Variants in BTBD10 observed in about 807,000 individuals in gnomAD.
The protein encoded by BTBD10 is BTB domain containing 10.
In BTBD10, 21 loss-of-function variants were observed where a neutral mutation model predicts 53.2. That is an observed-to-expected ratio of 0.39 (90% CI 0.28 to 0.57). The LOEUF is 0.57. Ranked by LOEUF, BTBD10 falls within the 20% of genes least tolerant of loss-of-function variation. The pLI is 0.53. For synonymous variants in BTBD10, 149 were observed against 192.7 expected, an observed-to-expected ratio of 0.77 and a Z score of 1.88; for missense variants, 360 against 594.7, an observed-to-expected ratio of 0.61 and a Z score of 4.10.
chr11:13,391,312 C>A (rs1426934039), intron 8 of BTBD10, among the ~76,000 whole-genome samples: 1 of 152,214 alleles, frequency 6.6e-6, no homozygotes, highest in Non-Finnish European at 1.5e-5. Context: ...TCCCTCTCAG[C>A]CTCCTGATCC....
Position 13,389,746 on chromosome 11 carries a change from T to A in BTBD10, c.1118-605A>T, listed in dbSNP as rs140085862. On this transcript the variant is annotated intron_variant, in intron 8 of 8. Transcript: ENST00000278174. Reference sequence around the variant, plus strand: ...CCTCTAGCTACGTATCCTTATATTCTCGTCACAGGATTACCCGGCCTACAG... The same window carrying A: ...CCTCTAGCTACGTATCCTTATATTCACGTCACAGGATTACCCGGCCTACAG... Among the ~76,000 whole-genome samples the A allele has an allele frequency of 5.0e-4, 76 of 152,364 alleles. No individual in the cohort carries two copies. The East Asian group carries it at 0.014, about 28-fold the overall frequency.
intron 8 of BTBD10, among the ~76,000 whole-genome samples, chr11:13,396,873 G>C (rs1949565262): frequency 1.3e-5 from 2 of 152,164 alleles, no homozygotes; most frequent in South Asian, 2.1e-4. Context: ...AACCAGCCTT[G>C]CATCCCAGGG....
At chr11:13,404,258 A>G (rs185735787) in intron 7 of BTBD10, among the ~76,000 whole-genome samples, 1 of 152,288 alleles carries the variant, frequency 6.6e-6, no homozygotes, top group African/African-American at 2.4e-5. Context: ...TAGCTCCTCA[A>G]ATGAATCTTC....
chr11:13,404,400 A>G (rs887030603), intron 7 of BTBD10, among the ~76,000 whole-genome samples: 3 of 152,178 alleles, frequency 2.0e-5, no homozygotes, highest in Non-Finnish European at 4.4e-5. Flanking sequence ...CAACAATGGA[A>G]AAGAAAACAC....
chr11:13,452,851 A>AT (rs1438366122), intron 1 of BTBD10, among the ~76,000 whole-genome samples: 2 of 152,256 alleles, frequency 1.3e-5, no homozygotes, highest in Admixed American at 1.3e-4. Context: ...GATACCTTAT[A>AT]TAACACAGTG....
At chr11:13,443,299 C>T (rs1268018108) in intron 2 of BTBD10, among the ~76,000 whole-genome samples, 1 of 151,316 alleles carries the variant, frequency 6.6e-6, no homozygotes, top group Non-Finnish European at 1.5e-5. Context: ...GATGTTACAG[C>T]TATCAAGAAG....
intron 1 of BTBD10, among the ~76,000 whole-genome samples, chr11:13,445,616 G>A (rs1950738064): frequency 1.3e-5 from 2 of 152,012 alleles, no homozygotes; most frequent in South Asian, 4.1e-4. Context: ...AATAACCAAT[G>A]TTATTATTTC....
At chr11:13,423,997 TC>T (rs1950290705) in intron 2 of BTBD10, among the ~76,000 whole-genome samples, 2 of 150,356 alleles carry the variant, frequency 1.3e-5, no homozygotes, top group African/African-American at 4.9e-5. Context: ...GATCAAAAGA[TC>T]CTACTGCATT....
At chr11:13,411,597 A>C (rs1949945980) in intron 6 of BTBD10, among the ~76,000 whole-genome samples, 1 of 152,128 alleles carries the variant, frequency 6.6e-6, no homozygotes, top group Admixed American at 6.5e-5. Flanking sequence ...TAAAACCCTT[A>C]CTTTTAATCT....
rs1949344110 is a variant in BTBD10, at chr11:13,389,285, A to T, written c.1118-144T>A. The T allele has an allele frequency of 1.4e-5, 9 of 660,310 alleles. 1 individual carries two copies. In the South Asian group the frequency reaches 1.8e-4, roughly 13 times the overall value. The allele number at this position is 660,310 out of a possible 1,614,324, so 40.9% of individuals were successfully genotyped here. A position where few individuals can be genotyped will look rare whatever the true frequency, so the allele number is the denominator to read the frequency against. On this transcript the variant is annotated intron_variant, in intron 8 of 8. Transcript: ENST00000278174. Reference sequence around the variant, plus strand: ...AAAACAATATTCCATCCACCTACTCATCAGTTCATGAGCCAGACATGAAAA... The same window carrying T: ...AAAACAATATTCCATCCACCTACTCTTCAGTTCATGAGCCAGACATGAAAA...
At chr11:13,413,714 T>C (rs1950020213) in intron 5 of BTBD10, 64 bp from the exon 6 acceptor site, 1 of 1,453,358 alleles carries the variant, frequency 6.9e-7, no homozygotes, top group Middle Eastern at 1.8e-4. Flanking sequence ...AAACTTATTA[T>C]TAAGGAAGGG....
intron 2 of BTBD10, among the ~76,000 whole-genome samples, chr11:13,433,444 G>A (rs528198497): frequency 2.6e-5 from 4 of 152,112 alleles, no homozygotes; most frequent in African/African-American, 9.6e-5. Flanking sequence ...TTTTATTCTG[G>A]GAGAAAAAAT....
chr11:13,429,522 G>A (rs898761595), intron 2 of BTBD10, among the ~76,000 whole-genome samples: 2 of 152,056 alleles, frequency 1.3e-5, no homozygotes, highest in East Asian at 1.9e-4. Flanking sequence ...TTCAACAAGG[G>A]CTCAAACACA....
chr11:13,423,105 C>G (rs1050299620), intron 2 of BTBD10, among the ~76,000 whole-genome samples: 2 of 151,704 alleles, frequency 1.3e-5, no homozygotes, highest in Non-Finnish European at 2.9e-5. Context: ...GTGTCCAGGC[C>G]CTGACAAATA....
intron 7 of BTBD10, among the ~76,000 whole-genome samples, chr11:13,403,959 G>A (rs575021697): frequency 6.6e-6 from 1 of 152,280 alleles, no homozygotes; most frequent in South Asian, 2.1e-4. Flanking sequence ...GAGTTAGACT[G>A]ATGGACATTC....
intron 5 of BTBD10, among the ~76,000 whole-genome samples, chr11:13,414,861 A>AG (rs1314983760): frequency 8.3e-5 from 12 of 145,350 alleles, no homozygotes; most frequent in Non-Finnish European, 1.5e-4. Flanking sequence ...AAAAAAAAAA[A>AG]AAAAGAAAAG....
At chr11:13,444,231 T>C (rs541623194) in intron 2 of BTBD10, among the ~76,000 whole-genome samples, 1 of 152,216 alleles carries the variant, frequency 6.6e-6, no homozygotes, top group African/African-American at 2.4e-5. Flanking sequence ...TTATGGCTTT[T>C]TTTTTTCAAG....
chr11:13,450,137 G>A (rs968695762), intron 1 of BTBD10, among the ~76,000 whole-genome samples: 15 of 152,166 alleles, frequency 9.9e-5, no homozygotes, highest in Admixed American at 9.2e-4. Context: ...GAATTACATA[G>A]TGATCCCAGA....
At chr11:13,417,724 A>G (rs548355574) in intron 4 of BTBD10, among the ~76,000 whole-genome samples, 1 of 152,354 alleles carries the variant, frequency 6.6e-6, no homozygotes, top group Admixed American at 6.5e-5. Context: ...ATACAGGACA[A>G]GTCAGGTTGT....
Sources: allele counts gnomAD v4.1 joint callset (sites outside exome capture counted in the v4.1 genomes callset), GRCh38; gene constraint gnomAD v4.1.1; transcripts MANE v1.5; gene names NCBI Gene and HGNC (gene_info 2026-07-23, HGNC 2026-07-21).